NKPD1: variants seen among roughly 807,000 people sequenced by gnomAD.
NKPD1 encodes the protein NTPase KAP family P-loop domain-containing protein 1.
Under a neutral mutation model 42.2 loss-of-function variants are expected in NKPD1, and 37 were observed. The ratio of observed to expected loss-of-function variants is 0.88; its 90% CI spans 0.67 to 1.15. The LOEUF (loss-of-function observed/expected upper bound fraction) is 1.15, where lower values mean the gene tolerates loss of function less well. Among genes scored for constraint, NKPD1 ranks in the 50% most tolerant of loss-of-function variants. NKPD1 has a pLI of 0.00. For synonymous variants in NKPD1, 552 were observed against 536.5 expected, an observed-to-expected ratio of 1.03 and a Z score of -0.40; for missense variants, 1,113 against 1,174.6, an observed-to-expected ratio of 0.95 and a Z score of 0.77.
In NKPD1 at chr19:45,157,719, CTT is replaced by C. The variant is rs34991759; in HGVS notation, c.529+942_529+943del. 4.6e-4 allele frequency among the ~76,000 whole-genome samples: 38 copies of C among 83,312 alleles called. 1 individual carries two copies. Among genetic ancestry groups the C allele is most frequent in the Admixed American group, 8.7e-4 (6 of 6,928 alleles). 54.7% of individuals were successfully genotyped at this position (83,312 alleles called of 152,430 possible). ...GCATGAGCCAGTGCGCCCAGACATA[CTT>C]TTTTTTTTTTTTTTTTTTTTTGAGA... On this transcript the variant is annotated intron_variant, in intron 3 of 4. Coordinates refer to ENST00000686631, the MANE Select transcript of NKPD1 (RefSeq NM_198478.4).
chr19:45,153,986 G>A (rs1968854917), intron 4 of NKPD1: 1 of 467,382 alleles, frequency 2.1e-6, no homozygotes, highest in Non-Finnish European at 3.6e-6. Flanking sequence ...TGGACCGGAA[G>A]CGGTCTGAAG....
In NKPD1 at chr19:45,158,517, G is replaced by A; in HGVS notation, c.529+146C>T. 1 of 969,434 alleles carries A rather than the reference G, an allele frequency of 1.0e-6. No individual in the cohort carries two copies. Among genetic ancestry groups the A allele is most frequent in the Non-Finnish European group, 1.3e-6 (1 of 797,620 alleles). 60.1% of individuals were successfully genotyped at this position (969,434 alleles called of 1,614,324 possible). On this transcript the variant is annotated intron_variant, in intron 3 of 4. Coordinates refer to ENST00000686631, the MANE Select transcript of NKPD1 (RefSeq NM_198478.4). This position sits in a 1 kb window ranked among gnomAD's most constrained non-coding sequence, Gnocchi z 4.6. ...CTGAGGCAGCCAGCCTGAGCCCCAT[G>A]GCCAGGGACGCACCCCTCCTAGATA...
intron 4 of NKPD1, 24 bp from the exon 5 acceptor site, chr19:45,153,799 C>A (rs1484131328): frequency 6.8e-5 from 96 of 1,421,898 alleles, no homozygotes; most frequent in Admixed American, 2.2e-4. Context: ...GCCCGGGAGC[C>A]GCGTGAGCCG....
At chr19:45,162,163 G>A (rs1033805067), upstream of NKPD1, among the ~76,000 whole-genome samples, 2 of 152,170 alleles carry the variant, frequency 1.3e-5, no homozygotes, top group Middle Eastern at 6.3e-3. Flanking sequence ...CGTCTCCGCA[G>A]GACGAGATTG....
rs539193010 is a variant in NKPD1 at position 45,159,107 on chromosome 19, G to C, written c.92-7C>G. Reference sequence around the variant, plus strand: ...CGCCACTGATGACAGCATCCTGGAAGGAAGGAAGTGGGGGTGACTGGGCCT... The same window carrying C: ...CGCCACTGATGACAGCATCCTGGAACGAAGGAAGTGGGGGTGACTGGGCCT... On this transcript the variant is annotated splice_polypyrimidine_tract_variant and splice_region_variant and intron_variant, in intron 2 of 4. Coordinates refer to ENST00000686631, the MANE Select transcript of NKPD1 (RefSeq NM_198478.4). The C allele has an allele frequency of 1.6e-6, 2 of 1,275,472 alleles. No homozygotes were observed. The highest frequency in any genetic ancestry group is 2.0e-6 in the Non-Finnish European group (2 of 982,088). The allele number at this position is 1,275,472 out of a possible 1,614,324, so 79.0% of individuals were successfully genotyped here. A position where few individuals can be genotyped will look rare whatever the true frequency, so the allele number is the denominator to read the frequency against.
intron 1 of NKPD1, among the ~76,000 whole-genome samples, 48 bp downstream of exon 1, chr19:45,160,876 TG>T (rs1251793696): frequency 1.3e-5 from 2 of 151,720 alleles, no homozygotes; most frequent in South Asian, 4.2e-4. Flanking sequence ...TGCTGAGAGT[TG>T]GTAGCCTGCC....
At position 45,158,810 on chromosome 19, in the gene NKPD1, T is replaced by TG; in HGVS notation, c.381dup (p.Thr128HisfsTer31). On this transcript the variant is annotated frameshift_variant, in exon 3 of 5. Coordinates refer to ENST00000686631, the MANE Select transcript of NKPD1 (RefSeq NM_198478.4). LOFTEE classifies it high-confidence loss of function. The surrounding 1 kb of genome is among the most constrained non-coding windows in gnomAD (Gnocchi z 4.6). ...ATGGCTGGTGCCGTGGTGGGTAAGG[T>TG]GGGCGCCTGAGGGGCGCTGGCAGGT... The TG allele has an allele frequency of 7.9e-7, 1 of 1,266,684 alleles. No homozygotes were observed. Among genetic ancestry groups the TG allele is most frequent in the South Asian group, 1.3e-5 (1 of 76,280 alleles). 78.5% of individuals were successfully genotyped at this position (1,266,684 alleles called of 1,614,324 possible). A position where few individuals can be genotyped will look rare whatever the true frequency, so the allele number is the denominator to read the frequency against.
rs1275895682 is a variant in NKPD1, at chr19:45,152,711, C to A, written c.1726G>T (p.Val576Leu). ...CGCTCCGTCCCCGCCTGCGCCTGCA[C>A]CGCCAGCAGCTGCGCGCTCTCGCCC... is the stretch of plus-strand genomic sequence containing the variant. ...AGGESAQLLA[V>L]QAQAGTERGQ... Residue 576 changes from valine to leucine, a missense_variant, in exon 5 of 5, where the codon GTG (valine) becomes TTG (leucine). Transcript: ENST00000686631. The A allele has an allele frequency of 3.8e-6, 6 of 1,564,164 alleles. No individual in the cohort carries two copies. Among genetic ancestry groups the A allele is most frequent in the Non-Finnish European group, 4.3e-6 (5 of 1,160,016 alleles).
At position 45,155,858 on chromosome 19, in the gene NKPD1, C is replaced by A. The variant is rs1968892987; in HGVS notation, c.588G>T (p.Val196=). ...CSCLAKTLCH[V]PVPVTVGFYA... is the part of the protein sequence containing the mutation. Reference sequence around the variant, plus strand: ...AGAAACCCACGGTCACAGGGACCGGCACGTGGCAGAGTGTCTTGGCCAGGC... The same window carrying A: ...AGAAACCCACGGTCACAGGGACCGGAACGTGGCAGAGTGTCTTGGCCAGGC... Residue 196 remains valine, a synonymous_variant, in exon 4 of 5, where the codon GTG becomes GTT. Coordinates refer to ENST00000686631, the MANE Select transcript of NKPD1 (RefSeq NM_198478.4). The A allele has an allele frequency of 7.7e-7, 1 of 1,305,388 alleles. No individual in the cohort carries two copies. Among genetic ancestry groups the A allele is most frequent in the Admixed American group, 2.3e-5 (1 of 43,572 alleles). The allele number at this position is 1,305,388 out of a possible 1,614,324, so 80.9% of individuals were successfully genotyped here. A position where few individuals can be genotyped will look rare whatever the true frequency, so the allele number is the denominator to read the frequency against.
At chr19:45,162,703 C>T (rs1446120249), upstream of NKPD1, among the ~76,000 whole-genome samples, 2 of 152,148 alleles carry the variant, frequency 1.3e-5, no homozygotes, top group Non-Finnish European at 2.9e-5. Flanking sequence ...CTGTGCACAT[C>T]GCCGGGCAGA....
chr19:45,159,240 T>C (rs534721931), intron 2 of NKPD1, 140 bp from the exon 3 acceptor site: 1 of 789,938 alleles, frequency 1.3e-6, no homozygotes, highest in East Asian at 8.1e-5. Context: ...AAAAGTAAGA[T>C]TATGTGCGGG....
rs1242725671 is a variant in NKPD1 at position 45,160,088 on chromosome 19, G to C, written c.63C>G (p.Phe21Leu). ...KDAQSPNGHY[F>L]WDPELGHRKG... Reference sequence around the variant, plus strand: ...TTCGGTGCCCCAACTCTGGGTCCCAGAAGTAGTGCCCGTTGGGGCTCTGGG... The same window carrying C: ...TTCGGTGCCCCAACTCTGGGTCCCACAAGTAGTGCCCGTTGGGGCTCTGGG... Residue 21 changes from phenylalanine (F) to leucine (L), a missense_variant, in exon 2 of 5, where the codon TTC becomes TTG. Around this residue, in one of 3 missense-constraint regions of NKPD1, gnomAD observed 204 missense variants for 227.8 expected, o/e 0.90. Transcript: ENST00000686631. 2 of 1,304,712 alleles carry C rather than the reference G, an allele frequency of 1.5e-6. No individual in the cohort carries two copies. Among genetic ancestry groups the C allele is most frequent in the Non-Finnish European group, 2.0e-6 (2 of 988,568 alleles). 80.8% of individuals were successfully genotyped at this position (1,304,712 alleles called of 1,614,324 possible).
intron 2 of NKPD1, among the ~76,000 whole-genome samples, chr19:45,159,800 G>A (rs1968973014): frequency 6.6e-6 from 1 of 152,226 alleles, no homozygotes; most frequent in African/African-American, 2.4e-5. Flanking sequence ...CATCCACACA[G>A]GCCTCAGGGT....
chr19:45,153,662 A>T lies in NKPD1; in HGVS notation c.775T>A (p.Phe259Ile), dbSNP rs1568457116. The T allele has an allele frequency of 6.3e-7, 1 of 1,576,754 alleles. No individual in the cohort carries two copies. Among genetic ancestry groups the T allele is most frequent in the Non-Finnish European group, 8.6e-7 (1 of 1,161,482 alleles). Residue 259 changes from phenylalanine to isoleucine, a missense_variant, in exon 5 of 5, where the codon TTC (phenylalanine) becomes ATC (isoleucine). Transcript: ENST00000686631. The part of the protein sequence containing the change: ...GVPQLLWYLV[F>I]LQPIITEVHL... ...ACCTCGGTGATGATGGGCTGCAGGA[A>T]CACCAGGTACCACAGTAGCTGCGGG...
intron 3 of NKPD1, among the ~76,000 whole-genome samples, chr19:45,156,587 G>A (rs7254138): frequency 0.047 from 7,159 of 152,290 alleles, 538 homozygotes; most frequent in African/African-American, 0.16. Context: ...CAAAGGGTCT[G>A]GCCAGCGCCG....
At position 45,152,558 on chromosome 19, in the gene NKPD1, TGAC is replaced by T. The variant is rs768884086; in HGVS notation, c.1876_1878del (p.Val626del). ...AGGCGCACGGTGATGGGCACGGTGT[TGAC>T]GATGCGCCGCATGGACACCACGTTG... On this transcript the variant is annotated inframe_deletion, in exon 5 of 5. Coordinates refer to ENST00000686631, the MANE Select transcript of NKPD1 (RefSeq NM_198478.4). The T allele has an allele frequency of 1.9e-6, 3 of 1,586,482 alleles. No homozygotes were observed. The highest frequency in any genetic ancestry group is 1.1e-5 in the South Asian group (1 of 89,588).
In NKPD1 at chr19:45,151,827, G is replaced by T; in HGVS notation, c.*111C>A. ...GGCTCAGGTTCACCTGGGGGTGTGG[G>T]CCTCACAGGGCTCATTCGGACCCTG... On this transcript the variant is annotated 3_prime_UTR_variant, in exon 5 of 5. Transcript: ENST00000686631. The T allele has an allele frequency of 8.5e-7, 1 of 1,175,816 alleles. No individual in the cohort carries two copies. The highest frequency in any genetic ancestry group is 1.2e-6 in the Non-Finnish European group (1 of 869,066). 72.8% of individuals were successfully genotyped at this position (1,175,816 alleles called of 1,614,324 possible). A position where few individuals can be genotyped will look rare whatever the true frequency, so the allele number is the denominator to read the frequency against.
rs1968947007 is a variant in NKPD1, at chr19:45,158,659, G to A, written c.529+4C>T. The A allele has an allele frequency of 7.7e-6, 9 of 1,165,200 alleles. No individual in the cohort carries two copies. Among genetic ancestry groups the A allele is most frequent in the South Asian group, 6.5e-5 (4 of 61,166 alleles). The allele number at this position is 1,165,200 out of a possible 1,614,324, so 72.2% of individuals were successfully genotyped here. ...AGGGCCCCCAAGAAGGCCAGGGTGA[G>A]CACCGGAGCTGTAGGCAGTGAAGGA... is the stretch of plus-strand genomic sequence containing the variant. On this transcript the variant is annotated splice_donor_region_variant and intron_variant, in intron 3 of 4. Transcript: ENST00000686631. This position sits in a 1 kb window ranked among gnomAD's most constrained non-coding sequence, Gnocchi z 4.6.
intron 4 of NKPD1, among the ~76,000 whole-genome samples, chr19:45,154,648 G>A (rs528580576): frequency 5.5e-4 from 84 of 152,308 alleles, no homozygotes; most frequent in African/African-American, 1.9e-3. Flanking sequence ...CTGGGCACAC[G>A]TAGGAGGAAC....
Sources: allele counts gnomAD v4.1 joint callset (sites outside exome capture counted in the v4.1 genomes callset), GRCh38; gene constraint gnomAD v4.1.1; regional missense constraint gnomAD v4.1.1; non-coding constraint Gnocchi (gnomAD v3.1); transcripts MANE v1.5; gene names NCBI Gene and HGNC (gene_info 2026-07-23, HGNC 2026-07-21).